SUPT3H: variants seen among roughly 807,000 people sequenced by gnomAD.
The protein encoded by SUPT3H is SPT3 homolog, SAGA and STAGA complex component.
SUPT3H carries 44 observed loss-of-function variants against 44.3 expected under a neutral mutation model. The observed-to-expected ratio is 0.99, with a 90% CI of 0.78 to 1.28. The LOEUF (loss-of-function observed/expected upper bound fraction) is 1.28, where lower values mean the gene tolerates loss of function less well. Among genes scored for constraint, SUPT3H ranks in the 50% most tolerant of loss-of-function variants. The pLI is 0.00. For synonymous variants in SUPT3H, 124 were observed against 125.6 expected, an observed-to-expected ratio of 0.99 and a Z score of 0.09; for missense variants, 380 against 387.1, an observed-to-expected ratio of 0.98 and a Z score of 0.15.
chr6:45,246,792 T>C (rs1257003870), intron 2 of SUPT3H, among the ~76,000 whole-genome samples: 2 of 152,088 alleles, frequency 1.3e-5, no homozygotes, highest in East Asian at 1.9e-4. Context: ...TAAATGAAAA[T>C]GTAAATACAA....
chr6:45,142,764 A>G (rs1335041166), intron 2 of SUPT3H, among the ~76,000 whole-genome samples: 2 of 127,108 alleles, frequency 1.6e-5, no homozygotes, highest in East Asian at 4.9e-4. Context: ...AAAAAAAAAA[A>G]GCAGAATGGC....
chr6:44,892,294 G>A (rs1398196583), intron 10 of SUPT3H, among the ~76,000 whole-genome samples: 6 of 152,132 alleles, frequency 3.9e-5, no homozygotes, highest in Non-Finnish European at 8.8e-5. Context: ...TTTATAAGAT[G>A]AGGAAGAGAG....
At chr6:44,979,301 A>G (rs549831944) in intron 6 of SUPT3H, among the ~76,000 whole-genome samples, 1 of 152,220 alleles carries the variant, frequency 6.6e-6, no homozygotes, top group African/African-American at 2.4e-5. Context: ...TTTAAGAGAC[A>G]AGAAACATAC....
chr6:45,138,498 C>A (rs1804672040), intron 2 of SUPT3H, among the ~76,000 whole-genome samples: 1 of 152,064 alleles, frequency 6.6e-6, no homozygotes, highest in Non-Finnish European at 1.5e-5. Flanking sequence ...ATGGCACGTC[C>A]ATACAATGGA....
At chr6:44,914,311 C>G (rs1189117856) in intron 10 of SUPT3H, among the ~76,000 whole-genome samples, 3 of 152,186 alleles carry the variant, frequency 2.0e-5, no homozygotes, top group Non-Finnish European at 4.4e-5. Flanking sequence ...GAGCTTTGCT[C>G]CTCAGTGCTG....
chr6:45,309,014 T>G (rs910194714), intron 2 of SUPT3H, among the ~76,000 whole-genome samples: 3 of 150,300 alleles, frequency 2.0e-5, no homozygotes, highest in African/African-American at 7.5e-5. Context: ...TTATGCAAAT[T>G]TTTGTTTTTC....
intron 2 of SUPT3H, among the ~76,000 whole-genome samples, chr6:45,244,535 C>T (rs1325852982): frequency 6.6e-6 from 1 of 152,176 alleles, no homozygotes; most frequent in Non-Finnish European, 1.5e-5. Context: ...AACCCCACTA[C>T]CTTTTCCTGA....
chr6:45,124,665 CT>C (rs1802164577), intron 2 of SUPT3H, among the ~76,000 whole-genome samples: 1 of 150,962 alleles, frequency 6.6e-6, no homozygotes, highest in African/African-American at 2.4e-5. Context: ...AAAAATTATA[CT>C]ATTTTTAAAC....
intron 2 of SUPT3H, among the ~76,000 whole-genome samples, chr6:45,117,354 T>C (rs1467822319): frequency 6.6e-6 from 1 of 152,056 alleles, no homozygotes; most frequent in Non-Finnish European, 1.5e-5. Context: ...ATCAAACATC[T>C]CATTTAAATT....
chr6:44,906,595 TAATAAA>T (rs1010762643), intron 10 of SUPT3H, among the ~76,000 whole-genome samples: 4 of 152,102 alleles, frequency 2.6e-5, no homozygotes, highest in African/African-American at 9.7e-5. Flanking sequence ...AACCCGTCTC[TAATAAA>T]AATACAAAAA....
intron 2 of SUPT3H, among the ~76,000 whole-genome samples, chr6:45,221,098 T>G (rs954839406): frequency 6.6e-6 from 1 of 152,132 alleles, no homozygotes; most frequent in African/African-American, 2.4e-5. Context: ...CTGGAAACTA[T>G]TATTCTGAGC....
intron 2 of SUPT3H, among the ~76,000 whole-genome samples, chr6:45,338,495 T>C (rs10948228): frequency 0.15 from 23,320 of 152,086 alleles, 2,022 homozygotes; most frequent in East Asian, 0.26. Context: ...TAAGAAACTT[T>C]GACAGCTACA....
chr6:45,075,824 C>T (rs541088765), intron 3 of SUPT3H, among the ~76,000 whole-genome samples: 13 of 151,970 alleles, frequency 8.6e-5, no homozygotes, highest in African/African-American at 3.1e-4. Context: ...AAGAAGTCTT[C>T]TTCCTGATTT....
intron 6 of SUPT3H, among the ~76,000 whole-genome samples, chr6:44,962,581 A>ATTTTT (rs11372728): frequency 6.7e-6 from 1 of 149,980 alleles, no homozygotes. Context: ...CTGAGATTTA[A>ATTTTT]TTTTTTTTTT....
intron 3 of SUPT3H, among the ~76,000 whole-genome samples, chr6:45,047,169 T>C (rs1439530573): frequency 6.6e-6 from 1 of 152,244 alleles, no homozygotes; most frequent in Non-Finnish European, 1.5e-5. Flanking sequence ...TTTACTTTTT[T>C]CTTTTTATTT....
At chr6:45,039,857 A>AAC (rs1554217897) in intron 3 of SUPT3H, among the ~76,000 whole-genome samples, 1 of 151,214 alleles carries the variant, frequency 6.6e-6, no homozygotes, top group African/African-American at 2.4e-5. Flanking sequence ...AAAAAAAAAA[A>AAC]TTTTGCTAGA....
intron 2 of SUPT3H, among the ~76,000 whole-genome samples, chr6:45,307,473 T>C (rs1468250497): frequency 6.6e-6 from 1 of 152,166 alleles, no homozygotes; most frequent in Non-Finnish European, 1.5e-5. Flanking sequence ...TATACGCTGT[T>C]CTGCAGCCTC....
intron 9 of SUPT3H, among the ~76,000 whole-genome samples, chr6:44,947,398 C>T (rs1773520493): frequency 1.3e-5 from 2 of 152,032 alleles, no homozygotes; most frequent in East Asian, 1.9e-4. Flanking sequence ...TTCATATGTA[C>T]AGCATTTTCA....
intron 2 of SUPT3H, among the ~76,000 whole-genome samples, chr6:45,275,247 G>T (rs1305615038): frequency 6.6e-6 from 1 of 152,048 alleles, no homozygotes; most frequent in African/African-American, 2.4e-5. Flanking sequence ...CTAAGATGAA[G>T]GCAATCTTCT....
Sources: allele counts gnomAD v4.1 joint callset (sites outside exome capture counted in the v4.1 genomes callset), GRCh38; gene constraint gnomAD v4.1.1; transcripts MANE v1.5; gene names NCBI Gene and HGNC (gene_info 2026-07-23, HGNC 2026-07-21).